The following ZNF529 variants were observed in gnomAD, a reference collection of about 807,000 sequenced individuals.
ZNF529 encodes the protein zinc finger protein 529.
ZNF529 carries 11 observed loss-of-function variants against 10.1 expected under a neutral mutation model. That is an observed-to-expected ratio of 1.09 (90% confidence interval 0.69 to 1.81). ZNF529 has a LOEUF of 1.81. Among genes scored for constraint, ZNF529 ranks in the 40% most tolerant of loss-of-function variants. The pLI is 0.00. For synonymous variants in ZNF529, 204 were observed against 215.7 expected (o/e 0.95, Z 0.47); for missense variants, 624 against 666.8 (o/e 0.94, Z 0.71).
At chr19:36,555,803 G>A (rs971231300) in intron 3 of ZNF529, among the ~76,000 whole-genome samples, 2 of 152,168 alleles carry the variant, frequency 1.3e-5, no homozygotes, top group Non-Finnish European at 1.5e-5. Flanking sequence ...GAAGGTCAGA[G>A]TATGCCCAAT....
chr19:36,603,053 T>C (rs1464673249), intron 1 of ZNF529, among the ~76,000 whole-genome samples: 1 of 152,118 alleles, frequency 6.6e-6, no homozygotes, highest in East Asian at 1.9e-4. Flanking sequence ...CAGCTCTCTC[T>C]GCACATACTC....
chr19:36,596,192 G>A (rs1331071847), intron 1 of ZNF529, among the ~76,000 whole-genome samples: 3 of 148,570 alleles, frequency 2.0e-5, no homozygotes, highest in Non-Finnish European at 4.4e-5. Context: ...TCCCGCCTCA[G>A]CCTCCTGAGT....
chr19:36,603,678 C>T (rs1356609374), intron 1 of ZNF529, among the ~76,000 whole-genome samples: 5 of 152,172 alleles, frequency 3.3e-5, no homozygotes, highest in Admixed American at 2.0e-4. Context: ...TTCTTCACCA[C>T]CGGCAAGCTT....
intron 2 of ZNF529, among the ~76,000 whole-genome samples, chr19:36,567,161 G>A (rs2035930924): frequency 6.6e-6 from 1 of 152,104 alleles, no homozygotes; most frequent in Admixed American, 6.6e-5. Context: ...ATTCATCAAT[G>A]GAATAGAACT....
At chr19:36,570,492 G>A (rs1284744380) in intron 2 of ZNF529, among the ~76,000 whole-genome samples, 1 of 152,142 alleles carries the variant, frequency 6.6e-6, no homozygotes, top group Non-Finnish European at 1.5e-5. Flanking sequence ...GCACATTGTT[G>A]CTGGGAGAAT....
intron 4 of ZNF529, among the ~76,000 whole-genome samples, chr19:36,549,934 C>CCT (rs1347458716): frequency 6.6e-6 from 1 of 152,054 alleles, no homozygotes; most frequent in East Asian, 1.9e-4. Context: ...TGAGCAAGGG[C>CCT]TTATGTGTGA....
rs1269267042 is a variant in ZNF529 at position 36,545,737 on chromosome 19, T to C, written c.*1129A>G. 2 of 152,046 alleles carry C rather than the reference T, an allele frequency of 1.3e-5. No homozygotes were observed. Among genetic ancestry groups the C allele is most frequent in the Admixed American group, 1.3e-4 (2 of 15,256 alleles). 9.4% of individuals were successfully genotyped at this position (152,046 alleles called of 1,614,324 possible). ...TAATGATAATAGATTAAAAAAACAA[T>C]TGAAGCCATGTTAATATATAGTTGT... On this transcript the variant is annotated 3_prime_UTR_variant, in exon 5 of 5. Transcript: ENST00000591340.
At chr19:36,572,612 ATGT>A (rs1326493971) in intron 1 of ZNF529, among the ~76,000 whole-genome samples, 3 of 152,196 alleles carry the variant, frequency 2.0e-5, no homozygotes, top group Non-Finnish European at 2.9e-5. Flanking sequence ...TAGTTCTTTA[ATGT>A]ATAAATGGCC....
Position 36,547,671 on chromosome 19 carries a change from T to A in ZNF529, c.887A>T (p.Gln296Leu), listed in dbSNP as rs1423847161. The change falls in exon 5 of 5, where the codon CAA (glutamine) becomes CTA (leucine). Residue 296 changes from glutamine to leucine, a missense_variant. By Grantham distance (113) the Gln-to-Leu change is moderately radical. Transcript: ENST00000591340. ...FCGKSFRVHA[Q>L]LTRHQKIHTD... ...ATGGATTTTCTGATGTCGAGTAAGT[T>A]GTGCATGCACTCTAAAGGATTTCCC... 1.2e-6 allele frequency: 2 copies of A among 1,613,812 alleles called. No homozygotes were observed. Among genetic ancestry groups the A allele is most frequent in the Non-Finnish European group, 1.7e-6 (2 of 1,179,846 alleles).
chr19:36,566,632 C>G (rs1052190070), intron 2 of ZNF529, among the ~76,000 whole-genome samples: 1 of 151,754 alleles, frequency 6.6e-6, no homozygotes, highest in Admixed American at 6.6e-5. Flanking sequence ...GTAGGAGGAT[C>G]ACTTGAGCCC....
chr19:36,563,518 A>G (rs1209926351), intron 2 of ZNF529, among the ~76,000 whole-genome samples: 1 of 152,172 alleles, frequency 6.6e-6, no homozygotes, highest in South Asian at 2.1e-4. Context: ...CCGAGAACCA[A>G]ATCAGGAACA....
intron 2 of ZNF529, among the ~76,000 whole-genome samples, chr19:36,578,950 TAA>T (rs2036402670): frequency 6.6e-6 from 1 of 150,654 alleles, no homozygotes; most frequent in Middle Eastern, 3.2e-3. Flanking sequence ...CTCATGCCTA[TAA>T]TCCCAGCACT....
intron 2 of ZNF529, among the ~76,000 whole-genome samples, chr19:36,563,900 A>G (rs997533064): frequency 4.6e-5 from 7 of 152,188 alleles, no homozygotes; most frequent in African/African-American, 1.7e-4. Flanking sequence ...AGTAACCAAA[A>G]CGCAATGGTT....
chr19:36,558,390 G>C (rs1467716557), intron 2 of ZNF529, among the ~76,000 whole-genome samples: 3 of 151,996 alleles, frequency 2.0e-5, no homozygotes, highest in African/African-American at 7.3e-5. Flanking sequence ...TAAAAGCACT[G>C]AAATCCAAAG....
intron 2 of ZNF529, 69 bp downstream of exon 2, chr19:36,572,264 T>G: frequency 6.6e-7 from 1 of 1,522,364 alleles, no homozygotes; most frequent in South Asian, 1.2e-5. Context: ...GACCCATCTC[T>G]ACGGTCCTGT....
At chr19:36,591,718 C>A (rs1172394400) in intron 1 of ZNF529, among the ~76,000 whole-genome samples, 2 of 112,530 alleles carry the variant, frequency 1.8e-5, no homozygotes, top group African/African-American at 3.8e-5. Flanking sequence ...GAGCGAAACT[C>A]CATCTCAAAA....
chr19:36,559,048 A>G (rs965151376), intron 2 of ZNF529, among the ~76,000 whole-genome samples: 1 of 152,186 alleles, frequency 6.6e-6, no homozygotes. Context: ...ATCACTAAAC[A>G]TCAGGGAAAT....
chr19:36,584,856 A>C (rs187516588), intron 2 of ZNF529, among the ~76,000 whole-genome samples: 3 of 152,282 alleles, frequency 2.0e-5, no homozygotes, highest in African/African-American at 7.2e-5. Flanking sequence ...CATTAAGTCA[A>C]AGATGCAAGG....
upstream of ZNF529, among the ~76,000 whole-genome samples, chr19:36,576,588 G>A (rs184368288): frequency 2.2e-4 from 33 of 152,046 alleles, no homozygotes; most frequent in African/African-American, 6.0e-4. Context: ...GTAGTGGCCC[G>A]CACCTGTAGT....
Sources: gnomAD v4.1 joint callset for allele counts (sites outside exome capture counted in the v4.1 genomes callset) on GRCh38, gnomAD v4.1.1 for gene constraint, MANE v1.5 for transcripts, NCBI Gene and HGNC (gene_info 2026-07-23, HGNC 2026-07-21) for gene names.